The following AGAP1 variants were observed in gnomAD, a reference collection of about 807,000 sequenced individuals.
The protein encoded by AGAP1 is arf-GAP with GTPase, ANK repeat and PH domain-containing protein 1.
Under a neutral mutation model 105.3 loss-of-function variants are expected in AGAP1, and 29 were observed. The observed-to-expected ratio is 0.28, with a 90% CI of 0.21 to 0.38. AGAP1 has a LOEUF of 0.38. Among genes scored for constraint, AGAP1 ranks in the 10% least tolerant of loss-of-function variants. The pLI is 1.00. For synonymous variants in AGAP1, 509 were observed against 485.9 expected, an observed-to-expected ratio of 1.05 and a Z score of -0.63; for missense variants, 998 against 1,165.1, an observed-to-expected ratio of 0.86 and a Z score of 2.09.
intron 9 of AGAP1, among the ~76,000 whole-genome samples, chr2:235,862,199 T>C (rs2048955254): frequency 6.6e-6 from 1 of 151,968 alleles, no homozygotes; most frequent in South Asian, 2.1e-4. Context: ...GGACCATGAC[T>C]CTGATTCGAT....
At position 235,936,615 on chromosome 2, in the gene AGAP1, C is replaced by T. The variant is rs1385092751; in HGVS notation, c.1483+5692C>T. ...TCAATTTTAATCATTATAGTTGGAGCATTTTTTTTCTCTTCTTGGATATTA... is the reference window on the plus strand; with the variant it reads ...TCAATTTTAATCATTATAGTTGGAGTATTTTTTTTCTCTTCTTGGATATTA... On this transcript the variant is annotated intron_variant, in intron 12 of 17. Coordinates refer to ENST00000304032, the MANE Select transcript of AGAP1 (RefSeq NM_001037131.3). This position sits in a 1 kb window ranked among gnomAD's most constrained non-coding sequence, Gnocchi z 4.7. Among the ~76,000 whole-genome samples the T allele has an allele frequency of 6.6e-6, 1 of 152,052 alleles. No homozygotes were observed. Among genetic ancestry groups the T allele is most frequent in the African/African-American group, 2.4e-5 (1 of 41,418 alleles).
chr2:235,520,384 T>C (rs184861534), intron 1 of AGAP1, among the ~76,000 whole-genome samples: 130 of 152,330 alleles, frequency 8.5e-4, no homozygotes, highest in Admixed American at 2.7e-3. Context: ...ATGACCGTCT[T>C]TCTCTCCTTC....
intron 1 of AGAP1, among the ~76,000 whole-genome samples, chr2:235,506,266 A>T (rs1941805674): frequency 6.6e-6 from 1 of 152,112 alleles, no homozygotes; most frequent in Non-Finnish European, 1.5e-5. Context: ...CTCGGGTTTC[A>T]ATATTTTAAA....
At chr2:235,941,761 A>G (rs769126073) in intron 12 of AGAP1, among the ~76,000 whole-genome samples, 7 of 152,124 alleles carry the variant, frequency 4.6e-5, no homozygotes, top group Admixed American at 6.5e-5. Flanking sequence ...ATCCAATCCA[A>G]TCAAATGCTG....
At chr2:235,537,110 CA>C (rs2149087020) in intron 1 of AGAP1, among the ~76,000 whole-genome samples, 1 of 152,362 alleles carries the variant, frequency 6.6e-6, no homozygotes, top group South Asian at 2.1e-4. Flanking sequence ...CGCATCTTCA[CA>C]GAGCTCATGT....
intron 5 of AGAP1, among the ~76,000 whole-genome samples, chr2:235,749,066 G>A (rs768187929): frequency 1.1e-4 from 17 of 152,100 alleles, no homozygotes; most frequent in Admixed American, 6.6e-5. Flanking sequence ...AAAATTAGCT[G>A]GGCATGGTGG....
Position 235,661,665 on chromosome 2 carries a change from G to A in AGAP1, c.164-47514G>A, listed in dbSNP as rs552833533. ...CGGGAGACATGGAGCATCTCAGGGT[G>A]GGGTCAGGTTCCCAGGTGAAGCCCC... is the stretch of plus-strand genomic sequence containing the variant. On this transcript the variant is annotated intron_variant, in intron 1 of 17. Transcript: ENST00000304032. Among the ~76,000 whole-genome samples the A allele has an allele frequency of 2.0e-5, 3 of 148,364 alleles. No homozygotes were observed. In the East Asian group the frequency reaches 5.8e-4, roughly 29 times the overall value.
At position 235,992,767 on chromosome 2, in the gene AGAP1, G is replaced by A. The variant is rs553371867; in HGVS notation, c.1645+24144G>A. On this transcript the variant is annotated intron_variant, in intron 13 of 17. Transcript: ENST00000304032. The surrounding 1 kb of genome is among the most constrained non-coding windows in gnomAD (Gnocchi z 4.8). ...ATGCGTCGTGGGCGCCGAGGAGAGC[G>A]TAGCCTCCTGTTAACGTAGCCTCCT... Among the ~76,000 whole-genome samples the A allele has an allele frequency of 5.9e-5, 9 of 152,288 alleles. No homozygotes were observed. Among genetic ancestry groups the A allele is most frequent in the South Asian group, 2.1e-4 (1 of 4,828 alleles).
chr2:235,628,973 G>A (rs1490734232), intron 1 of AGAP1, among the ~76,000 whole-genome samples: 4 of 151,888 alleles, frequency 2.6e-5, no homozygotes, highest in Admixed American at 1.3e-4. Context: ...CACCACATCC[G>A]GCTAATTTTT....
intron 1 of AGAP1, among the ~76,000 whole-genome samples, chr2:235,570,709 A>G (rs890086287): frequency 2.6e-5 from 4 of 152,128 alleles, no homozygotes; most frequent in African/African-American, 9.7e-5. Flanking sequence ...AAATCCAAAG[A>G]CCATTTAGGT....
intron 9 of AGAP1, among the ~76,000 whole-genome samples, chr2:235,852,133 A>G (rs923345897): frequency 6.6e-6 from 1 of 152,172 alleles, no homozygotes; most frequent in African/African-American, 2.4e-5. Flanking sequence ...ATTTAAAACT[A>G]ATATATGCCT....
At chr2:235,670,721 C>A in intron 1 of AGAP1, 1 of 817,594 alleles carries the variant, frequency 1.2e-6, no homozygotes, top group Non-Finnish European at 2.0e-6. Flanking sequence ...CTCGGAGAAG[C>A]GCAACACCCT....
intron 9 of AGAP1, among the ~76,000 whole-genome samples, chr2:235,808,076 C>T (rs1025470051): frequency 1.3e-5 from 2 of 151,360 alleles, no homozygotes; most frequent in East Asian, 1.9e-4. Context: ...CCACGTGTGA[C>T]GTAGATTGTG....
At position 235,777,175 on chromosome 2, in the gene AGAP1, A is replaced by G. The variant is rs957008798; in HGVS notation, c.674-20584A>G. The stretch of plus-strand genomic sequence containing the variant: ...AGATCGAGACCATCCTGGCTAACAC[A>G]GTGAAACCCTGTCTCTACTAAAAAT... On this transcript the variant is annotated intron_variant, in intron 6 of 17. Transcript: ENST00000304032. The surrounding 1 kb of genome is among the most constrained non-coding windows in gnomAD (Gnocchi z 5.1). 1.3e-5 allele frequency: 5 copies of G among 398,782 alleles called. No homozygotes were observed. The highest frequency in any genetic ancestry group is 2.5e-5 in the Non-Finnish European group (5 of 197,816). 24.7% of individuals were successfully genotyped at this position (398,782 alleles called of 1,614,324 possible).
At chr2:235,876,913 T>C (rs2049773372) in intron 9 of AGAP1, among the ~76,000 whole-genome samples, 1 of 148,878 alleles carries the variant, frequency 6.7e-6, no homozygotes, top group Non-Finnish European at 1.5e-5. Context: ...AATGGCGCAA[T>C]CTTGGCTCAC....
In AGAP1 at chr2:235,633,961, G is replaced by T. The variant is rs1332327286; in HGVS notation, c.164-75218G>T. On this transcript the variant is annotated intron_variant, in intron 1 of 17. Coordinates refer to ENST00000304032, the MANE Select transcript of AGAP1 (RefSeq NM_001037131.3). The surrounding 1 kb of genome is among the most constrained non-coding windows in gnomAD (Gnocchi z 4.8). ...ATCTGAGGGTGGCCTTTACTTTGGG[G>T]TATCAGTTTTCCGAGCCCCAGCAAG... Among the ~76,000 whole-genome samples the T allele has an allele frequency of 2.0e-5, 3 of 152,052 alleles. No individual in the cohort carries two copies. The highest frequency in any genetic ancestry group is 7.2e-5 in the African/African-American group (3 of 41,386).
In AGAP1 at chr2:235,577,613, A is replaced by G. The variant is rs1944777550; in HGVS notation, c.163+82764A>G. On this transcript the variant is annotated intron_variant, in intron 1 of 17. Coordinates refer to ENST00000304032, the MANE Select transcript of AGAP1 (RefSeq NM_001037131.3). This position sits in a 1 kb window ranked among gnomAD's most constrained non-coding sequence, Gnocchi z 4.5. ...CATGGCTGTGTGGCTGCCTGACTAC[A>G]TGGTTCTTCCCCCGGTTATTTTTGT... Among the ~76,000 whole-genome samples, 2 of 152,010 alleles carry G rather than the reference A, an allele frequency of 1.3e-5. No homozygotes were observed. Among genetic ancestry groups the G allele is most frequent in the South Asian group, 4.2e-4 (2 of 4,806 alleles).
intron 11 of AGAP1, among the ~76,000 whole-genome samples, chr2:235,910,596 C>T (rs995202207): frequency 3.3e-5 from 5 of 152,142 alleles, no homozygotes; most frequent in African/African-American, 4.8e-5. Context: ...TACATTAGTA[C>T]GTTACATAAA....
chr2:235,859,918 C>T (rs1395192725), intron 9 of AGAP1, among the ~76,000 whole-genome samples: 1 of 152,180 alleles, frequency 6.6e-6, no homozygotes, highest in African/African-American at 2.4e-5. Context: ...CTTCCACCAG[C>T]AAGCAGAGGT....
Sources: gnomAD v4.1 joint callset for allele counts (sites outside exome capture counted in the v4.1 genomes callset) on GRCh38, gnomAD v4.1.1 for gene constraint, Gnocchi (gnomAD v3.1) non-coding constraint, MANE v1.5 for transcripts, NCBI Gene and HGNC (gene_info 2026-07-23, HGNC 2026-07-21) for gene names.